Variants in ITGB3BP observed in about 807,000 individuals in gnomAD.
The protein encoded by ITGB3BP is integrin subunit beta 3 binding protein.
ITGB3BP carries 27 observed loss-of-function variants against 29.1 expected under a neutral mutation model. The observed-to-expected ratio is 0.93, with a 90% CI of 0.68 to 1.28. ITGB3BP has a LOEUF of 1.28. Ranked by LOEUF, ITGB3BP falls within the 50% of genes most tolerant of loss-of-function variation. The pLI is 0.00. For synonymous variants in ITGB3BP, 61 were observed against 61.4 expected (o/e 0.99, Z 0.03); for missense variants, 192 against 200.2 (o/e 0.96, Z 0.25).
intron 7 of ITGB3BP, chr1:63,447,785 TCTAGAA>T: frequency 5.5e-6 from 2 of 363,688 alleles, no homozygotes; most frequent in Non-Finnish European, 5.5e-6. Flanking sequence ...TCCTCAGGGA[TCTAGAA>T]CTAGAAATAC....
chr1:63,446,616 G>T, intron 8 of ITGB3BP, 190 bp downstream of exon 8: 1 of 570,684 alleles, frequency 1.8e-6, no homozygotes, highest in Non-Finnish European at 3.2e-6. Flanking sequence ...GCCTCTAACT[G>T]ATGTCAGATG....
intron 3 of ITGB3BP, among the ~76,000 whole-genome samples, chr1:63,486,107 T>C (rs1320869724): frequency 6.6e-6 from 1 of 152,082 alleles, no homozygotes; most frequent in African/African-American, 2.4e-5. Flanking sequence ...TATTGTTTTA[T>C]CACATTCTCC....
Position 63,491,233 on chromosome 1 carries a change from C to G in ITGB3BP, c.49-1015G>C, listed in dbSNP as rs369539692. Among the ~76,000 whole-genome samples, 10 of 152,274 alleles carry G rather than the reference C, an allele frequency of 6.6e-5. No individual in the cohort carries two copies. The East Asian group carries it at 9.7e-4, about 15-fold the overall frequency. On this transcript the variant is annotated intron_variant, in intron 2 of 8. Coordinates refer to ENST00000271002, the MANE Select transcript of ITGB3BP (RefSeq NM_014288.5). ...TCCCTTAAAACTTGCTTTCCATAAG[C>G]TTACTGATCACCCACCAGCACTGCT...
At chr1:63,453,582 C>T (rs1044665306) in intron 7 of ITGB3BP, 1 of 188,056 alleles carries the variant, frequency 5.3e-6, no homozygotes, top group Non-Finnish European at 1.1e-5. Flanking sequence ...ACACTAAAAA[C>T]TGCAGTATAT....
At chr1:63,514,958 A>G (rs1279986713) in intron 1 of ITGB3BP, among the ~76,000 whole-genome samples, 1 of 151,836 alleles carries the variant, frequency 6.6e-6, no homozygotes, top group East Asian at 1.9e-4. Context: ...AAAAAAAAAA[A>G]AAAAAAGAAA....
chr1:63,469,067 C>T (rs928203325), intron 4 of ITGB3BP, among the ~76,000 whole-genome samples: 2 of 151,154 alleles, frequency 1.3e-5, no homozygotes, highest in African/African-American at 4.8e-5. Context: ...AAAAAGTCTG[C>T]CCAACATAAA....
intron 3 of ITGB3BP, among the ~76,000 whole-genome samples, chr1:63,481,288 T>C (rs953002488): frequency 6.6e-6 from 1 of 152,272 alleles, no homozygotes; most frequent in Non-Finnish European, 1.5e-5. Flanking sequence ...GAAGGACTTA[T>C]GATTTTAAAT....
In ITGB3BP at chr1:63,505,140, C is replaced by T. The variant is rs529519022; in HGVS notation, c.48+3388G>A. On this transcript the variant is annotated intron_variant, in intron 2 of 8. Transcript: ENST00000271002. ...AATTCGGCTGTGAATCCATCTGGTC[C>T]TGGACTTTTTTTGGTTGGTAAGCTA... 8.6e-5 allele frequency among the ~76,000 whole-genome samples: 13 copies of T among 151,266 alleles called. 1 individual carries two copies. Among genetic ancestry groups the T allele is most frequent in the Non-Finnish European group, 1.8e-4 (12 of 67,754 alleles).
At chr1:63,476,019 C>T (rs1161721431) in intron 4 of ITGB3BP, among the ~76,000 whole-genome samples, 5 of 138,174 alleles carry the variant, frequency 3.6e-5, no homozygotes, top group Non-Finnish European at 8.0e-5. Context: ...AAAAAAGAAA[C>T]GTATCATTTT....
At chr1:63,489,135 G>A (rs1299175840) in intron 3 of ITGB3BP, among the ~76,000 whole-genome samples, 2 of 151,818 alleles carry the variant, frequency 1.3e-5, no homozygotes, top group African/African-American at 4.8e-5. Context: ...GAACCTAATA[G>A]TAACAGCTTT....
chr1:63,510,506 T>C (rs535128596), intron 1 of ITGB3BP, among the ~76,000 whole-genome samples: 1 of 152,324 alleles, frequency 6.6e-6, no homozygotes, highest in African/African-American at 2.4e-5. Context: ...ACTTTATGTT[T>C]GGTGACAATC....
At chr1:63,491,570 G>A (rs1335870622) in intron 2 of ITGB3BP, among the ~76,000 whole-genome samples, 2 of 152,066 alleles carry the variant, frequency 1.3e-5, no homozygotes, top group Admixed American at 6.6e-5. Flanking sequence ...AACTCTGCCT[G>A]GTCAACTATC....
chr1:63,514,366 A>C (rs973458077), intron 1 of ITGB3BP, among the ~76,000 whole-genome samples: 1 of 152,148 alleles, frequency 6.6e-6, no homozygotes, highest in African/African-American at 2.4e-5. Flanking sequence ...GCTATACTGC[A>C]TTCAGTTTTC....
At chr1:63,523,083 T>C in intron 1 of ITGB3BP, 46 bp downstream of exon 1, 1 of 1,612,220 alleles carries the variant, frequency 6.2e-7, no homozygotes, top group Non-Finnish European at 8.5e-7. Context: ...CTTCTCTTCT[T>C]GCAGAGGGCC....
At chr1:63,473,574 G>C (rs1372384198) in intron 4 of ITGB3BP, among the ~76,000 whole-genome samples, 6 of 139,000 alleles carry the variant, frequency 4.3e-5, no homozygotes, top group Non-Finnish European at 9.6e-5. Flanking sequence ...GGGGGAGGGG[G>C]GGTCAGCCCC....
intron 4 of ITGB3BP, among the ~76,000 whole-genome samples, chr1:63,462,961 A>T (rs1236245961): frequency 6.6e-6 from 1 of 152,176 alleles, no homozygotes; most frequent in East Asian, 1.9e-4. Flanking sequence ...AGTGACTAAA[A>T]ATAAGTCCTA....
intron 4 of ITGB3BP, among the ~76,000 whole-genome samples, chr1:63,473,328 C>A (rs1344887340): frequency 6.6e-6 from 1 of 151,684 alleles, no homozygotes; most frequent in Non-Finnish European, 1.5e-5. Context: ...GCAGCCACCC[C>A]GTCCGGGAGG....
At chr1:63,493,838 A>T (rs1645721336) in intron 2 of ITGB3BP, among the ~76,000 whole-genome samples, 1 of 152,218 alleles carries the variant, frequency 6.6e-6, no homozygotes, top group South Asian at 2.1e-4. Flanking sequence ...GCAGGATAAA[A>T]TATGGGATTT....
chr1:63,494,647 A>G (rs147960524), intron 2 of ITGB3BP, among the ~76,000 whole-genome samples: 1 of 152,210 alleles, frequency 6.6e-6, no homozygotes, highest in Non-Finnish European at 1.5e-5. Context: ...GAAATTAATA[A>G]TATGCAAATT....
Sources: allele counts gnomAD v4.1 joint callset (sites outside exome capture counted in the v4.1 genomes callset), GRCh38; gene constraint gnomAD v4.1.1; transcripts MANE v1.5; gene names NCBI Gene and HGNC (gene_info 2026-07-23, HGNC 2026-07-21).